NAV3: variants seen among roughly 807,000 people sequenced by gnomAD.
NAV3 encodes pore membrane and/or filament interacting like protein 1.
NAV3 carries 87 observed loss-of-function variants against 244.7 expected under a neutral mutation model. The ratio of observed to expected loss-of-function variants is 0.36; its 90% CI spans 0.30 to 0.42. The LOEUF (loss-of-function observed/expected upper bound fraction) is 0.42, where lower values mean the gene tolerates loss of function less well. Among genes scored for constraint, NAV3 ranks in the 20% least tolerant of loss-of-function variants. NAV3 has a pLI of 1.00. For missense variants in NAV3, 2,663 were observed against 2,893.3 expected (o/e 0.92, Z 1.83); for synonymous variants, 1,126 against 1,042.2 (o/e 1.08, Z -1.55).
intron 2 of NAV3, among the ~76,000 whole-genome samples, chr12:77,615,447 CT>C (rs1188322125): frequency 1.3e-5 from 2 of 152,128 alleles, no homozygotes; most frequent in African/African-American, 4.8e-5. Flanking sequence ...TTAGCTCCCA[CT>C]TACAAGTGTA....
In NAV3 at chr12:78,188,776, AGG is replaced by A; in HGVS notation, c.6055_6055+1del. On this transcript the variant is annotated splice_donor_variant and coding_sequence_variant, in exon 33 of 40. Transcript: ENST00000397909. LOFTEE classifies it high-confidence loss of function. Reference sequence around the variant, plus strand: ...ATAACATCATCACTGTGAACCTCAAAGGTAAAAGCAATAATGAAAAGCAAGGC... The same window carrying A: ...ATAACATCATCACTGTGAACCTCAAATAAAAGCAATAATGAAAAGCAAGGC... 1 of 1,610,620 alleles carries A rather than the reference AGG, an allele frequency of 6.2e-7. No individual in the cohort carries two copies. The highest frequency in any genetic ancestry group is 8.5e-7 in the Non-Finnish European group (1 of 1,178,000).
At chr12:78,042,824 A>G (rs749947550) in intron 9 of NAV3, among the ~76,000 whole-genome samples, 18 of 152,132 alleles carry the variant, frequency 1.2e-4, no homozygotes, top group Non-Finnish European at 2.4e-4. Flanking sequence ...AAAGGCCTCT[A>G]GTTTATTCCC....
intron 9 of NAV3, among the ~76,000 whole-genome samples, chr12:78,029,353 A>G (rs2136935063): frequency 6.6e-6 from 1 of 152,308 alleles, no homozygotes; most frequent in East Asian, 1.9e-4. Context: ...GATGAAGATA[A>G]CAATGTTAAC....
chr12:77,771,737 G>T (rs1179743778), intron 2 of NAV3, among the ~76,000 whole-genome samples: 1 of 152,024 alleles, frequency 6.6e-6, no homozygotes, highest in Non-Finnish European at 1.5e-5. Flanking sequence ...CACAGGAAGG[G>T]GAACATCACA....
intron 5 of NAV3, among the ~76,000 whole-genome samples, chr12:77,975,779 A>G (rs1428624491): frequency 4.0e-5 from 6 of 150,944 alleles, no homozygotes; most frequent in Admixed American, 6.6e-5. Flanking sequence ...AAAGACTTTG[A>G]CTTTTATTCC....
intron 2 of NAV3, among the ~76,000 whole-genome samples, chr12:77,711,635 A>T (rs1876118095): frequency 6.6e-6 from 1 of 152,168 alleles, no homozygotes; most frequent in South Asian, 2.1e-4. Flanking sequence ...TGTCAGTCCT[A>T]TTCAGCTGCC....
At position 78,006,941 on chromosome 12, in the gene NAV3, A is replaced by G; in HGVS notation, c.1403A>G (p.Lys468Arg). Reference sequence around the variant, plus strand: ...AAGTCTTTGCTACAGCCAAAGGAAAAAGAAGAAAAGAACAGGGACAAAAAT... The same window carrying G: ...AAGTCTTTGCTACAGCCAAAGGAAAGAGAAGAAAAGAACAGGGACAAAAAT... The part of the protein sequence containing the change: ...NKKSLLQPKE[K>R]EEKNRDKNKV... The change falls in exon 8 of 40, where the codon AAA becomes AGA. Residue 468 changes from lysine (K) to arginine (R), a missense_variant. This residue lies in a region of NAV3 where 1,521 missense variants were observed against 1,497.0 expected (regional missense o/e 1.02). Coordinates refer to ENST00000397909, the MANE Select transcript of NAV3 (RefSeq NM_001024383.2). 6.2e-7 allele frequency: 1 copy of G among 1,613,818 alleles called. No homozygotes were observed.
intron 12 of NAV3, among the ~76,000 whole-genome samples, chr12:78,063,915 A>T (rs1406431553): frequency 1.3e-5 from 2 of 152,128 alleles, no homozygotes; most frequent in Non-Finnish European, 2.9e-5. Flanking sequence ...GGGTGTTTGG[A>T]CCTATAGGTG....
chr12:77,737,658 A>C (rs958196896), intron 2 of NAV3, among the ~76,000 whole-genome samples: 13 of 152,180 alleles, frequency 8.5e-5, no homozygotes, highest in African/African-American at 3.1e-4. Flanking sequence ...ACAACTATTT[A>C]AATAAAACAA....
intron 2 of NAV3, among the ~76,000 whole-genome samples, chr12:77,819,224 T>C (rs1565825957): frequency 6.6e-6 from 1 of 151,948 alleles, no homozygotes; most frequent in Non-Finnish European, 1.5e-5. Flanking sequence ...ATGAGAACAA[T>C]AGGAACTTTA....
intron 2 of NAV3, among the ~76,000 whole-genome samples, chr12:77,709,725 C>T (rs978377127): frequency 6.6e-6 from 1 of 152,170 alleles, no homozygotes; most frequent in East Asian, 1.9e-4. Context: ...GATACAAGCA[C>T]TCCTTATTTG....
At chr12:78,170,041 A>G (rs1957939631) in intron 24 of NAV3, among the ~76,000 whole-genome samples, 1 of 151,690 alleles carries the variant, frequency 6.6e-6, no homozygotes, top group Non-Finnish European at 1.5e-5. Context: ...ATAGAAAATC[A>G]TCTCATACTC....
intron 2 of NAV3, among the ~76,000 whole-genome samples, chr12:77,647,093 T>G (rs1872635712): frequency 6.7e-6 from 1 of 149,658 alleles, no homozygotes; most frequent in Non-Finnish European, 1.5e-5. Flanking sequence ...CACACGTATA[T>G]GTACCTTAGA....
At chr12:77,710,070 C>T (rs1876032983) in intron 2 of NAV3, among the ~76,000 whole-genome samples, 1 of 152,094 alleles carries the variant, frequency 6.6e-6, no homozygotes, top group Admixed American at 6.6e-5. Context: ...CTTAGAAATC[C>T]ACATTTTGAA....
intron 2 of NAV3, among the ~76,000 whole-genome samples, chr12:77,722,125 C>G (rs1022113003): frequency 7.9e-5 from 12 of 152,008 alleles, no homozygotes; most frequent in Admixed American, 7.9e-4. Context: ...ACAAACAACC[C>G]TTTTACTTGA....
Position 77,668,510 on chromosome 12 carries a change from A to G in NAV3, c.72+96244A>G, listed in dbSNP as rs139261068. Among the ~76,000 whole-genome samples the G allele has an allele frequency of 5.9e-4, 90 of 152,354 alleles. 1 individual carries two copies. The highest frequency in any genetic ancestry group is 1.9e-3 in the African/African-American group (81 of 41,594). ...AAATGCACTGAAAAGTCTCAGCAAT[A>G]GAATTGAACAACAAGAAGAAAGAAC... On this transcript the variant is annotated intron_variant, in intron 2 of 8. Coordinates refer to the NAV3 transcript ENST00000550042.
intron 5 of NAV3, among the ~76,000 whole-genome samples, chr12:77,976,674 C>CTTT (rs869041498): frequency 2.4e-5 from 2 of 83,442 alleles, no homozygotes; most frequent in South Asian, 4.8e-4. Context: ...TTCTTTTTTT[C>CTTT]TTTTTTTTTT....
intron 12 of NAV3, among the ~76,000 whole-genome samples, chr12:78,077,044 T>G (rs1030765697): frequency 6.6e-6 from 1 of 152,142 alleles, no homozygotes; most frequent in African/African-American, 2.4e-5. Context: ...ATGATAGACT[T>G]CTAATATTTG....
chr12:77,981,095 A>G lies in NAV3; in HGVS notation c.671+12393A>G, dbSNP rs1007727494. Among the ~76,000 whole-genome samples, 5 of 152,196 alleles carry G rather than the reference A, an allele frequency of 3.3e-5. No individual in the cohort carries two copies. The South Asian group carries it at 1.0e-3, about 31-fold the overall frequency. On this transcript the variant is annotated intron_variant, in intron 5 of 39. Coordinates refer to ENST00000397909, the MANE Select transcript of NAV3 (RefSeq NM_001024383.2). The stretch of plus-strand genomic sequence containing the variant: ...ATGATATTTCAGCCACCCGGTTACT[A>G]AAAAGAAACACATGTGGATAAAAGC...
Sources: gnomAD v4.1 joint callset for allele counts (sites outside exome capture counted in the v4.1 genomes callset) on GRCh38, gnomAD v4.1.1 for gene constraint, gnomAD v4.1.1 regional missense constraint, MANE v1.5 for transcripts, NCBI Gene and HGNC (gene_info 2026-07-23, HGNC 2026-07-21) for gene names.